IPO7: variants seen among roughly 807,000 people sequenced by gnomAD.
IPO7 encodes the protein importin 7, also known as importin-7.
Under a neutral mutation model 136.4 loss-of-function variants are expected in IPO7, and 13 were observed. The ratio of observed to expected loss-of-function variants is 0.10; its 90% CI spans 0.06 to 0.15. IPO7 has a LOEUF of 0.15. IPO7 is among the 10% of genes least tolerant of loss of function. The probability of loss-of-function intolerance (pLI) is 1.00; values close to 1 mark genes in which losing one functional copy is unlikely to be tolerated. For synonymous variants in IPO7, 403 were observed against 404.4 expected (o/e 1.00, Z 0.04); for missense variants, 857 against 1,240.6 (o/e 0.69, Z 4.65).
chr11:9,405,141 T>C (rs1332470256), intron 2 of IPO7, among the ~76,000 whole-genome samples: 2 of 152,092 alleles, frequency 1.3e-5, no homozygotes, highest in African/African-American at 4.8e-5. Context: ...ACTGGCTGTA[T>C]TGCCCAGGCT....
At chr11:9,385,334 C>T (rs954920194) in intron 1 of IPO7, among the ~76,000 whole-genome samples, 1 of 152,162 alleles carries the variant, frequency 6.6e-6, no homozygotes, top group Non-Finnish European at 1.5e-5. Flanking sequence ...CTGGGCTGAT[C>T]AGTGGCCTGC....
Position 9,445,267 on chromosome 11 carries a change from G to T in IPO7, c.*73G>T, listed in dbSNP as rs1169039381. 15 of 923,716 alleles carry T rather than the reference G, an allele frequency of 1.6e-5. No individual in the cohort carries two copies. The East Asian group carries it at 3.6e-4, about 22-fold the overall frequency. 57.2% of individuals were successfully genotyped at this position (923,716 alleles called of 1,614,324 possible). On this transcript the variant is annotated 3_prime_UTR_variant, in exon 25 of 25. Coordinates refer to ENST00000379719, the MANE Select transcript of IPO7 (RefSeq NM_006391.3). The stretch of plus-strand genomic sequence containing the variant: ...TCCTCCTAGTAGTGGTTCCAGAACT[G>T]GTTCATGTTATCTATTCTAAACTAA...
chr11:9,425,375 G>A, intron 12 of IPO7, 113 bp downstream of exon 12: 1 of 694,278 alleles, frequency 1.4e-6, no homozygotes, highest in East Asian at 2.6e-5. Context: ...GGGATGCTGA[G>A]GCAGGCAGAT....
At chr11:9,439,449 G>GATTA (rs1855429502) in intron 22 of IPO7, among the ~76,000 whole-genome samples, 1 of 151,990 alleles carries the variant, frequency 6.6e-6, no homozygotes, top group Non-Finnish European at 1.5e-5. Flanking sequence ...AAGTTGTGGG[G>GATTA]ATTACATGAG....
At chr11:9,417,286 C>A (rs1855054683) in intron 6 of IPO7, 138 bp downstream of exon 6, 1 of 470,224 alleles carries the variant, frequency 2.1e-6, no homozygotes, top group East Asian at 3.4e-5. Flanking sequence ...ATTAGAGGTA[C>A]CTTTTCATTT....
At chr11:9,392,946 CAAAAAAA>C (rs34911529) in intron 1 of IPO7, among the ~76,000 whole-genome samples, 2 of 100,280 alleles carry the variant, frequency 2.0e-5, no homozygotes, top group Non-Finnish European at 4.3e-5. Context: ...GACTCTGTCT[CAAAAAAA>C]AAAAAAAAAA....
chr11:9,402,424 A>G (rs201091309), intron 1 of IPO7, among the ~76,000 whole-genome samples: 1 of 149,542 alleles, frequency 6.7e-6, no homozygotes, highest in Non-Finnish European at 1.5e-5. Context: ...AAAAAAAAAA[A>G]AAAGAATGCT....
At chr11:9,435,376 A>G (rs1386946165) in intron 19 of IPO7, among the ~76,000 whole-genome samples, 5 of 152,264 alleles carry the variant, frequency 3.3e-5, no homozygotes, top group Admixed American at 6.5e-5. Context: ...GGAAAAGGTT[A>G]GCAGCTATAG....
intron 1 of IPO7, among the ~76,000 whole-genome samples, chr11:9,393,462 C>T (rs969380487): frequency 2.6e-5 from 4 of 152,284 alleles, no homozygotes; most frequent in Admixed American, 2.6e-4. Flanking sequence ...TCACTGCAAC[C>T]TCCGTCTCCT....
intron 2 of IPO7, 95 bp downstream of exon 2, chr11:9,403,466 T>C: frequency 1.2e-6 from 1 of 868,710 alleles, no homozygotes; most frequent in Non-Finnish European, 1.8e-6. Flanking sequence ...CCTTTGGCAA[T>C]TTTTTCCCCC....
chr11:9,429,528 A>G, intron 14 of IPO7, 146 bp from the exon 15 acceptor site: 1 of 465,804 alleles, frequency 2.1e-6, no homozygotes, highest in Admixed American at 4.1e-5. Flanking sequence ...TATATATATT[A>G]ATTGTAAAAA....
chr11:9,427,480 G>A (rs1390741463), intron 12 of IPO7, among the ~76,000 whole-genome samples: 7 of 151,890 alleles, frequency 4.6e-5, no homozygotes, highest in African/African-American at 1.7e-4. Flanking sequence ...GGCTGGTCTC[G>A]AACTCCTGAC....
intron 2 of IPO7, among the ~76,000 whole-genome samples, chr11:9,405,407 C>G (rs12804650): frequency 0.45 from 68,871 of 151,992 alleles, 17,589 homozygotes; most frequent in Non-Finnish European, 0.57. Context: ...ATCTCCTGAC[C>G]TCGTGATCTG....
chr11:9,440,363 G>A (rs377107779), intron 22 of IPO7, 92 bp from the exon 23 acceptor site: 66 of 997,990 alleles, frequency 6.6e-5, no homozygotes, highest in Admixed American at 5.8e-4. Flanking sequence ...CTTGTGACTT[G>A]TAATTTACTG....
rs202038310 is a variant in IPO7 at position 9,438,045 on chromosome 11, G to GTTTTTTTTTT, written c.2490-12_2490-3dup. ...TCTGCTTATTTAAGAAAAGAAAACA[G>GTTTTTTTTTT]TTTTTTTTTTTTTTTTTTTTTTTTT... On this transcript the variant is annotated intron_variant, in intron 21 of 24. Transcript: ENST00000379719. 1.1e-4 allele frequency: 124 copies of GTTTTTTTTTT among 1,093,570 alleles called. 3 individuals are homozygous for GTTTTTTTTTT. Among genetic ancestry groups the GTTTTTTTTTT allele is most frequent in the South Asian group, 3.7e-4 (23 of 62,070 alleles). 67.7% of individuals were successfully genotyped at this position (1,093,570 alleles called of 1,614,324 possible).
At chr11:9,425,297 G>A (rs557897980) in intron 12 of IPO7, 35 bp downstream of exon 12, 2 of 1,215,500 alleles carry the variant, frequency 1.6e-6, no homozygotes, top group South Asian at 1.2e-5. Flanking sequence ...GCATGACTAT[G>A]CAAGTAGTTT....
At chr11:9,438,974 C>G (rs1052037419) in intron 22 of IPO7, among the ~76,000 whole-genome samples, 2 of 152,082 alleles carry the variant, frequency 1.3e-5, no homozygotes, top group Non-Finnish European at 2.9e-5. Flanking sequence ...CACTTAAGAG[C>G]GAGAGATTAT....
chr11:9,410,277 A>G (rs966368660), intron 4 of IPO7, among the ~76,000 whole-genome samples, 191 bp downstream of exon 4: 8 of 152,162 alleles, frequency 5.3e-5, no homozygotes, highest in African/African-American at 1.9e-4. Context: ...TTATTCTACT[A>G]AGAAACTCCT....
At chr11:9,431,338 A>G (rs1390759370) in intron 16 of IPO7, among the ~76,000 whole-genome samples, 3 of 152,118 alleles carry the variant, frequency 2.0e-5, no homozygotes, top group African/African-American at 7.2e-5. Context: ...TTACAATCCT[A>G]ACCATTTTTA....
Sources: allele counts gnomAD v4.1 joint callset (sites outside exome capture counted in the v4.1 genomes callset), GRCh38; gene constraint gnomAD v4.1.1; transcripts MANE v1.5; gene names NCBI Gene and HGNC (gene_info 2026-07-23, HGNC 2026-07-21).